PTPRG: variants seen among roughly 807,000 people sequenced by gnomAD.
PTPRG encodes protein tyrosine phosphatase receptor type G, also known as receptor-type tyrosine-protein phosphatase gamma.
PTPRG carries 102 observed loss-of-function variants against 165.3 expected under a neutral mutation model. The observed-to-expected ratio is 0.62, with a 90% CI of 0.53 to 0.73. PTPRG has a LOEUF of 0.73. PTPRG is among the 30% of genes least tolerant of loss of function. The pLI is 0.00. For missense variants in PTPRG, 1,866 were observed against 1,861.4 expected (o/e 1.00, Z -0.05); for synonymous variants, 675 against 669.5 (o/e 1.01, Z -0.13).
At chr3:61,721,231 A>C (rs2032030582) in intron 1 of PTPRG, among the ~76,000 whole-genome samples, 1 of 152,206 alleles carries the variant, frequency 6.6e-6, no homozygotes, top group Admixed American at 6.5e-5. Flanking sequence ...TGACTACATT[A>C]GAATTGCAAC....
At chr3:61,815,688 T>C (rs2035740486) in intron 2 of PTPRG, among the ~76,000 whole-genome samples, 1 of 152,216 alleles carries the variant, frequency 6.6e-6, no homozygotes, top group Non-Finnish European at 1.5e-5. Context: ...CTCTGTGATC[T>C]TAATCATTAC....
intron 5 of PTPRG, among the ~76,000 whole-genome samples, chr3:62,118,987 A>C (rs1404333004): frequency 6.6e-6 from 1 of 152,238 alleles, no homozygotes; most frequent in Non-Finnish European, 1.5e-5. Context: ...TTCTTCTAGG[A>C]AGCAAACATC....
At chr3:61,779,972 T>A (rs1053051277) in intron 2 of PTPRG, among the ~76,000 whole-genome samples, 1 of 152,156 alleles carries the variant, frequency 6.6e-6, no homozygotes, top group Non-Finnish European at 1.5e-5. Flanking sequence ...TCCTCTATTG[T>A]TTCCTGGGTC....
intron 1 of PTPRG, among the ~76,000 whole-genome samples, chr3:61,747,421 G>A (rs2033253955): frequency 1.3e-5 from 2 of 152,294 alleles, no homozygotes; most frequent in South Asian, 4.1e-4. Context: ...TGAAAAATGA[G>A]TGGAAGCTTA....
intron 12 of PTPRG, among the ~76,000 whole-genome samples, 188 bp from the exon 13 acceptor site, chr3:62,218,663 C>A (rs1283925023): frequency 6.6e-6 from 1 of 152,138 alleles, no homozygotes; most frequent in Non-Finnish European, 1.5e-5. Context: ...ATAGAAGAGG[C>A]CCTGTGTGGG....
intron 4 of PTPRG, among the ~76,000 whole-genome samples, chr3:62,010,944 G>A (rs898243230): frequency 6.6e-6 from 1 of 152,136 alleles, no homozygotes; most frequent in African/African-American, 2.4e-5. Flanking sequence ...AATTAGGCAC[G>A]TGGACACCAG....
chr3:61,921,298 A>C (rs1005386650), intron 2 of PTPRG, among the ~76,000 whole-genome samples: 2 of 152,244 alleles, frequency 1.3e-5, no homozygotes, highest in Non-Finnish European at 2.9e-5. Context: ...TGTTGAAAAC[A>C]AAATGATGAG....
chr3:62,242,139 T>C (rs1327490406), intron 14 of PTPRG, among the ~76,000 whole-genome samples: 3 of 152,238 alleles, frequency 2.0e-5, no homozygotes, highest in Non-Finnish European at 4.4e-5. Context: ...TAGATTTCCA[T>C]TGCTTTACAT....
rs78274824 is a variant in PTPRG, at chr3:61,670,618, T to C, written c.86-78260T>C. 2.2e-3 allele frequency among the ~76,000 whole-genome samples: 333 copies of C among 152,268 alleles called. 2 individuals carry two copies. The highest frequency in any genetic ancestry group is 3.8e-3 in the Non-Finnish European group (261 of 68,010). On this transcript the variant is annotated intron_variant, in intron 1 of 29. Coordinates refer to ENST00000474889, the MANE Select transcript of PTPRG (RefSeq NM_002841.4). ...AGACCCACTAACTCATTAACCTCTC[T>C]GACACGAAATAGAAACCTTCTAGAA... is the stretch of plus-strand genomic sequence containing the variant.
Position 61,697,479 on chromosome 3 carries a change from C to T in PTPRG, c.86-51399C>T, listed in dbSNP as rs114282238. ...AGAAGTCTCATTAAATAACCAGGCA[C>T]GATTAACCATCAGAGAAGAGAAAAG... On this transcript the variant is annotated intron_variant, in intron 1 of 29. Transcript: ENST00000474889. Among the ~76,000 whole-genome samples the T allele has an allele frequency of 3.1e-3, 477 of 152,232 alleles. 2 individuals carry two copies. Among genetic ancestry groups the T allele is most frequent in the African/African-American group, 0.011 (464 of 41,530 alleles).
At chr3:61,884,390 T>A (rs2037972273) in intron 2 of PTPRG, among the ~76,000 whole-genome samples, 1 of 152,084 alleles carries the variant, frequency 6.6e-6, no homozygotes, top group Admixed American at 6.6e-5. Context: ...GGGAATTGAG[T>A]CTGGTGGGGA....
chr3:62,099,013 G>A (rs1434779498), intron 5 of PTPRG, among the ~76,000 whole-genome samples: 2 of 152,284 alleles, frequency 1.3e-5, no homozygotes, highest in East Asian at 3.9e-4. Context: ...TTGTAATTTA[G>A]AATTTAGAGT....
chr3:61,859,628 CATT>C (rs2037206252), intron 2 of PTPRG, among the ~76,000 whole-genome samples: 1 of 145,794 alleles, frequency 6.9e-6, no homozygotes, highest in African/African-American at 2.6e-5. Flanking sequence ...TTTTTTTGGT[CATT>C]GTTGTTTGTT....
Position 62,273,025 on chromosome 3 carries a change from G to A in PTPRG, c.3262G>A (p.Val1088Ile), listed in dbSNP as rs148186037. 5.7e-4 allele frequency: 918 copies of A among 1,613,788 alleles called. 4 individuals carry two copies. In the African/African-American group the frequency reaches 0.01, roughly 18 times the overall value. ...GATAAAAGACAAAAGCACAGTTAACGTCCTGGGATTCCTGAAGCATATCAG... is the reference window on the plus strand; with the variant it reads ...GATAAAAGACAAAAGCACAGTTAACATCCTGGGATTCCTGAAGCATATCAG... ...QQIKDKSTVN[V>I]LGFLKHIRTQ... Residue 1088 changes from valine (V) to isoleucine (I), a missense_variant, in exon 22 of 30, where the codon GTC (valine) becomes ATC (isoleucine). This residue lies in a region of PTPRG where 1,452 missense variants were observed against 1,463.0 expected (regional missense o/e 0.99). Transcript: ENST00000474889. This position sits in a 1 kb window ranked among gnomAD's most constrained non-coding sequence, Gnocchi z 4.1.
At chr3:62,071,664 C>T (rs1394448643) in intron 4 of PTPRG, among the ~76,000 whole-genome samples, 1 of 152,178 alleles carries the variant, frequency 6.6e-6, no homozygotes, top group Non-Finnish European at 1.5e-5. Flanking sequence ...AGGCATTAAG[C>T]AATACTCCTG....
chr3:62,060,682 C>G (rs1700779537), intron 4 of PTPRG, among the ~76,000 whole-genome samples: 1 of 152,148 alleles, frequency 6.6e-6, no homozygotes, highest in East Asian at 1.9e-4. Context: ...CAAATATTTA[C>G]AAAAGAAATT....
At chr3:61,897,792 T>G (rs914779598) in intron 2 of PTPRG, among the ~76,000 whole-genome samples, 1 of 152,244 alleles carries the variant, frequency 6.6e-6, no homozygotes. Flanking sequence ...GTACATGTTT[T>G]GTGTATACCT....
At chr3:61,960,493 T>C (rs1321166315) in intron 2 of PTPRG, among the ~76,000 whole-genome samples, 1 of 152,174 alleles carries the variant, frequency 6.6e-6, no homozygotes, top group African/African-American at 2.4e-5. Context: ...GATCAAGTCA[T>C]AAACCTAAGT....
chr3:62,175,593 A>C (rs1053491219), intron 8 of PTPRG, among the ~76,000 whole-genome samples: 12 of 152,260 alleles, frequency 7.9e-5, no homozygotes, highest in African/African-American at 2.9e-4. Context: ...ATATTTATTG[A>C]CCATCTACTA....
Sources: allele counts gnomAD v4.1 joint callset (sites outside exome capture counted in the v4.1 genomes callset), GRCh38; gene constraint gnomAD v4.1.1; regional missense constraint gnomAD v4.1.1; non-coding constraint Gnocchi (gnomAD v3.1); transcripts MANE v1.5; gene names NCBI Gene and HGNC (gene_info 2026-07-23, HGNC 2026-07-21).